Variants in SUGCT observed in about 807,000 individuals in gnomAD.
The protein encoded by SUGCT is succinyl-CoA:glutarate CoA-transferase.
SUGCT carries 41 observed loss-of-function variants against 55.0 expected under a neutral mutation model. That is an observed-to-expected ratio of 0.74 (90% confidence interval 0.58 to 0.97). The LOEUF is 0.97. Among genes scored for constraint, SUGCT ranks in the 50% least tolerant of loss-of-function variants. SUGCT has a pLI of 0.00. For synonymous variants in SUGCT, 187 were observed against 200.4 expected (o/e 0.93, Z 0.56); for missense variants, 568 against 547.8 (o/e 1.04, Z -0.37).
chr7:40,575,943 C>CAA (rs766046012), intron 12 of SUGCT, among the ~76,000 whole-genome samples: 31 of 69,656 alleles, frequency 4.5e-4, no homozygotes, highest in Middle Eastern at 8.5e-3. Context: ...GACACTGTCT[C>CAA]AAAAAAAAAA....
chr7:40,979,646 G>C, the SUGCT span: 14 of 152,334 alleles, frequency 9.2e-5, no homozygotes, highest in East Asian at 9.7e-4. Context: ...TGTCTACACA[G>C]CTTCATGAGG....
chr7:40,545,707 C>G (rs1321541484), intron 12 of SUGCT, among the ~76,000 whole-genome samples: 1 of 152,124 alleles, frequency 6.6e-6, no homozygotes, highest in Non-Finnish European at 1.5e-5. Flanking sequence ...ATTTGGTGTA[C>G]CATCCTTTTT....
chr7:40,625,266 G>T (rs1243584824), intron 12 of SUGCT, among the ~76,000 whole-genome samples: 1 of 151,740 alleles, frequency 6.6e-6, no homozygotes, highest in Non-Finnish European at 1.5e-5. Flanking sequence ...TCCTTAACAC[G>T]CAACCCCCTT....
At chr7:40,699,741 C>T (rs948205970) in intron 12 of SUGCT, among the ~76,000 whole-genome samples, 5 of 151,960 alleles carry the variant, frequency 3.3e-5, no homozygotes, top group Non-Finnish European at 7.4e-5. Flanking sequence ...TGGTGGTGCA[C>T]ATCTGTAATC....
chr7:40,799,125 G>A (rs1790690194), intron 13 of SUGCT, among the ~76,000 whole-genome samples: 1 of 152,140 alleles, frequency 6.6e-6, no homozygotes, highest in African/African-American at 2.4e-5. Context: ...GTCAGATCAA[G>A]AATGCCCCAA....
At chr7:40,435,945 C>CTTTTTTTT (rs11297778) in intron 9 of SUGCT, among the ~76,000 whole-genome samples, 1 of 114,602 alleles carries the variant, frequency 8.7e-6, no homozygotes, top group African/African-American at 3.2e-5. Context: ...CTTTTCTTTT[C>CTTTTTTTT]TTTTTTTTTT....
intron 9 of SUGCT, among the ~76,000 whole-genome samples, chr7:40,425,654 C>G (rs1787550456): frequency 6.6e-6 from 1 of 151,996 alleles, no homozygotes; most frequent in African/African-American, 2.4e-5. Context: ...TGGTGGGGAG[C>G]CTTAGTTGTG....
At chr7:40,382,948 A>G (rs1162434951) in intron 9 of SUGCT, among the ~76,000 whole-genome samples, 2 of 152,198 alleles carry the variant, frequency 1.3e-5, no homozygotes, top group African/African-American at 2.4e-5. Context: ...TACATTCATT[A>G]ATTTATTTTT....
At chr7:40,525,821 T>C (rs1793765008) in intron 12 of SUGCT, among the ~76,000 whole-genome samples, 1 of 152,198 alleles carries the variant, frequency 6.6e-6, no homozygotes, top group Non-Finnish European at 1.5e-5. Context: ...CTTTTATGCT[T>C]TCTGTGCACT....
chr7:40,314,627 C>T (rs1197379309), intron 8 of SUGCT, among the ~76,000 whole-genome samples: 5 of 139,218 alleles, frequency 3.6e-5, no homozygotes, highest in African/African-American at 7.8e-5. Flanking sequence ...TGCAGTGGCA[C>T]GATCTCAGCT....
At chr7:40,518,346 G>C (rs1302979612) in intron 12 of SUGCT, among the ~76,000 whole-genome samples, 1 of 152,090 alleles carries the variant, frequency 6.6e-6, no homozygotes, top group Non-Finnish European at 1.5e-5. Context: ...TTTCAAATGG[G>C]TATGGGCTAA....
At chr7:40,173,038 G>GAT (rs1337021093) in intron 1 of SUGCT, among the ~76,000 whole-genome samples, 2 of 152,208 alleles carry the variant, frequency 1.3e-5, no homozygotes, top group Admixed American at 1.3e-4. Flanking sequence ...GAGCTCCCAT[G>GAT]ATATGGTGGC....
At chr7:40,581,628 A>G (rs569449064) in intron 12 of SUGCT, among the ~76,000 whole-genome samples, 81 of 152,344 alleles carry the variant, frequency 5.3e-4, no homozygotes, top group African/African-American at 1.9e-3. Context: ...TTAACACCTT[A>G]TCTTCCAAAT....
chr7:41,018,049 A>G, the SUGCT span, among the ~76,000 whole-genome samples: 1 of 151,798 alleles, frequency 6.6e-6, no homozygotes, highest in South Asian at 2.1e-4. Flanking sequence ...AGGTCAAAGG[A>G]AGGCAGCCCT....
chr7:40,731,973 A>C (rs1296180031), intron 12 of SUGCT, among the ~76,000 whole-genome samples: 1 of 152,232 alleles, frequency 6.6e-6, no homozygotes, highest in Admixed American at 6.5e-5. Flanking sequence ...TGAATTAAAC[A>C]GAATTCTAGC....
chr7:41,002,925 T>C, the SUGCT span, among the ~76,000 whole-genome samples: 3 of 152,048 alleles, frequency 2.0e-5, no homozygotes, highest in South Asian at 2.1e-4. Context: ...GATGAGTCAA[T>C]GGTATATAAA....
intron 9 of SUGCT, among the ~76,000 whole-genome samples, chr7:40,365,402 G>A (rs1348829401): frequency 6.6e-6 from 1 of 151,708 alleles, no homozygotes; most frequent in Non-Finnish European, 1.5e-5. Flanking sequence ...AGTGTTGGAA[G>A]TTCTGGCCAG....
intron 13 of SUGCT, among the ~76,000 whole-genome samples, chr7:40,758,176 T>G (rs993895322): frequency 1.3e-5 from 2 of 151,898 alleles, no homozygotes; most frequent in African/African-American, 2.4e-5. Context: ...GGACAGGGAG[T>G]CATTTTAATC....
chr7:40,448,153 C>A (rs1027099907), intron 9 of SUGCT, among the ~76,000 whole-genome samples: 3 of 151,856 alleles, frequency 2.0e-5, no homozygotes, highest in Non-Finnish European at 2.9e-5. Flanking sequence ...CAAAAGATTA[C>A]ATTTGAGTTC....
Sources: gnomAD v4.1 joint callset for allele counts (sites outside exome capture counted in the v4.1 genomes callset) on GRCh38, gnomAD v4.1.1 for gene constraint, MANE v1.5 for transcripts, NCBI Gene and HGNC (gene_info 2026-07-23, HGNC 2026-07-21) for gene names.